PLB1: variants seen among roughly 807,000 people sequenced by gnomAD.
PLB1 encodes the protein phospholipase B1, membrane-associated.
A neutral mutation model predicts 227.4 loss-of-function variants in PLB1; 242 were observed. That is an observed-to-expected ratio of 1.06 (90% CI 0.96 to 1.18). PLB1 has a LOEUF of 1.18. Ranked by LOEUF, PLB1 falls within the 50% of genes most tolerant of loss-of-function variation. The probability of loss-of-function intolerance (pLI) is 0.00; values close to 1 mark genes in which losing one functional copy is unlikely to be tolerated. For missense variants in PLB1, 1,858 were observed against 1,816.3 expected, an observed-to-expected ratio of 1.02 and a Z score of -0.42; for synonymous variants, 757 against 682.2, an observed-to-expected ratio of 1.11 and a Z score of -1.71.
At chr2:28,567,504 A>G (rs1950012) in intron 20 of PLB1, among the ~76,000 whole-genome samples, 106,975 of 137,376 alleles carry the variant, frequency 0.78, 41,909 homozygotes, top group African/African-American at 0.89. Flanking sequence ...ATGGAGTCTC[A>G]CTCTGTTGCC....
At position 28,510,778 on chromosome 2, in the gene PLB1, T is replaced by TTGTGTGTGTGTGTGTGTGTG. The variant is rs55672002; in HGVS notation, c.56-6022_56-6003dup. 8.7e-3 allele frequency among the ~76,000 whole-genome samples: 1,234 copies of TTGTGTGTGTGTGTGTGTGTG among 141,550 alleles called. 7 individuals are homozygous for TTGTGTGTGTGTGTGTGTGTG. Among genetic ancestry groups the TTGTGTGTGTGTGTGTGTGTG allele is most frequent in the African/African-American group, 0.014 (533 of 36,852 alleles). 92.9% of individuals were successfully genotyped at this position (141,550 alleles called of 152,430 possible). On this transcript the variant is annotated intron_variant, in intron 1 of 57. Transcript: ENST00000327757. ...GGCATGCACCACCACACTCAGATAA[T>TTGTGTGTGTGTGTGTGTGTG]TGTGTGTGTGTGTGTGTGTGTGTGT...
At chr2:28,538,848 G>A (rs571807227) in intron 10 of PLB1, among the ~76,000 whole-genome samples, 1 of 152,312 alleles carries the variant, frequency 6.6e-6, no homozygotes, top group African/African-American at 2.4e-5. Flanking sequence ...TCCCTCCCCT[G>A]TGGACACTGG....
chr2:28,574,808 G>T (rs1678656224), intron 21 of PLB1, among the ~76,000 whole-genome samples: 1 of 152,046 alleles, frequency 6.6e-6, no homozygotes, highest in Non-Finnish European at 1.5e-5. Context: ...TAGAATAATG[G>T]CTTCCAGCTC....
chr2:28,628,415 A>C (rs1286020699), intron 51 of PLB1, 148 bp from the exon 52 acceptor site: 4 of 664,452 alleles, frequency 6.0e-6, no homozygotes, highest in Non-Finnish European at 1.1e-5. Flanking sequence ...CAGCAACAAG[A>C]ACTGGGCTTC....
chr2:28,547,202 C>CAAAAA (rs531346408), intron 14 of PLB1, among the ~76,000 whole-genome samples: 1 of 99,884 alleles, frequency 1.0e-5, no homozygotes, highest in African/African-American at 3.7e-5. Flanking sequence ...ACCCTGTCTC[C>CAAAAA]AAAAAAAAAA....
At chr2:28,507,540 T>A (rs1247286404) in intron 1 of PLB1, among the ~76,000 whole-genome samples, 1 of 152,160 alleles carries the variant, frequency 6.6e-6, no homozygotes, top group African/African-American at 2.4e-5. Flanking sequence ...AGGTCACACC[T>A]CCTACCACTG....
Position 28,569,448 on chromosome 2 carries a change from C to T in PLB1, c.1324+2609C>T, listed in dbSNP as rs185180017. On this transcript the variant is annotated intron_variant, in intron 20 of 57. Coordinates refer to ENST00000327757, the MANE Select transcript of PLB1 (RefSeq NM_153021.5). Reference sequence around the variant, plus strand: ...CATATTAGTAAAGGCAATTAGAATGCATGAGATTGCAAAGTTCAACAAAAC... The same window carrying T: ...CATATTAGTAAAGGCAATTAGAATGTATGAGATTGCAAAGTTCAACAAAAC... 8.5e-4 allele frequency among the ~76,000 whole-genome samples: 129 copies of T among 152,076 alleles called. 1 individual carries two copies. The highest frequency in any genetic ancestry group is 2.9e-3 in the African/African-American group (122 of 41,456).
chr2:28,605,859 C>G lies in PLB1; in HGVS notation c.2968C>G (p.Leu990Val), dbSNP rs779930883. 1.9e-6 allele frequency: 3 copies of G among 1,612,706 alleles called. 1 individual carries two copies. The highest frequency in any genetic ancestry group is 1.1e-5 in the South Asian group (1 of 91,046). ...GTATATTGGTCTCTTTCAGGATGGGCTCCCAGATACGTCCTTCTTTGCCCC... is the reference window on the plus strand; with the variant it reads ...GTATATTGGTCTCTTTCAGGATGGGGTCCCAGATACGTCCTTCTTTGCCCC... Reference protein sequence around the residue: ...NIQLPVLADGLPDTSFFAPDC... With the variant: ...NIQLPVLADGVPDTSFFAPDC... The change falls in exon 42 of 58, where the codon CTC becomes GTC. Residue 990 changes from leucine (L) to valine (V), a missense_variant. Physicochemically the swap from Leu to Val is conservative, Grantham distance 32 (BLOSUM62 1). Transcript: ENST00000327757.
chr2:28,593,561 A>G lies in PLB1; in HGVS notation c.2248-120A>G, dbSNP rs142374528. ...CTTAGAGCCAGGGGCTCCTGGTTCC[A>G]TGTCTGCTCCTGCCACCACGAGTGC... On this transcript the variant is annotated intron_variant, in intron 32 of 57. Coordinates refer to ENST00000327757, the MANE Select transcript of PLB1 (RefSeq NM_153021.5). 189 of 795,940 alleles carry G rather than the reference A, an allele frequency of 2.4e-4. No individual in the cohort carries two copies. In the African/African-American group the frequency reaches 2.6e-3, roughly 11 times the overall value. The allele number at this position is 795,940 out of a possible 1,614,324, so 49.3% of individuals were successfully genotyped here.
At position 28,541,828 on chromosome 2, in the gene PLB1, T is replaced by TG; in HGVS notation, c.879+19dup. On this transcript the variant is annotated intron_variant, in intron 13 of 57. Coordinates refer to ENST00000327757, the MANE Select transcript of PLB1 (RefSeq NM_153021.5). ...CTACACTCGGTAAGTGGGGGCTGCA[T>TG]GGCGTATCAAGAGTGTGGTGGGGGC... 6.3e-7 allele frequency: 1 copy of TG among 1,591,258 alleles called. No homozygotes were observed. Among genetic ancestry groups the TG allele is most frequent in the Non-Finnish European group, 8.6e-7 (1 of 1,159,712 alleles).
intron 3 of PLB1, 55 bp from the exon 4 acceptor site, chr2:28,519,650 C>T (rs1180310773): frequency 1.4e-5 from 19 of 1,369,520 alleles, no homozygotes; most frequent in African/African-American, 7.2e-5. Context: ...TATCCTTGGC[C>T]GACATCATGG....
At chr2:28,608,646 C>G (rs1490904010) in intron 43 of PLB1, among the ~76,000 whole-genome samples, 1 of 152,216 alleles carries the variant, frequency 6.6e-6, no homozygotes, top group Non-Finnish European at 1.5e-5. Flanking sequence ...TTAATGGGCT[C>G]TCTGCCCACT....
At chr2:28,540,586 G>A (rs1168134155) in intron 12 of PLB1, 145 bp downstream of exon 12, 11 of 676,464 alleles carry the variant, frequency 1.6e-5, no homozygotes, top group Non-Finnish European at 2.6e-5. Context: ...GGAGCAAAGA[G>A]AGCTACTCTT....
At chr2:28,579,802 G>A (rs563991083) in intron 23 of PLB1, 95 bp downstream of exon 23, 1 of 1,053,288 alleles carries the variant, frequency 9.5e-7, no homozygotes, top group Non-Finnish European at 1.5e-6. Context: ...CAGCTAAGTT[G>A]GGACTCAGGC....
chr2:28,600,800 C>T lies in PLB1; in HGVS notation c.2475-9C>T, dbSNP rs1006869264. 1 of 1,613,210 alleles carries T rather than the reference C, an allele frequency of 6.2e-7. No homozygotes were observed. Among genetic ancestry groups the T allele is most frequent in the African/African-American group, 1.3e-5 (1 of 75,020 alleles). On this transcript the variant is annotated splice_polypyrimidine_tract_variant and intron_variant, in intron 35 of 57. Transcript: ENST00000327757. ...CTCAACAGAAGGATGGGTTTTCTCT[C>T]TTTCTCAGGGATCTTATGAGCCAAG...
chr2:28,560,774 A>G (rs1655072066), intron 17 of PLB1, among the ~76,000 whole-genome samples: 1 of 152,264 alleles, frequency 6.6e-6, no homozygotes, highest in African/African-American at 2.4e-5. Context: ...AATATCCAGA[A>G]TAGATAAATC....
chr2:28,556,608 G>A (rs1254656322), intron 17 of PLB1, among the ~76,000 whole-genome samples: 1 of 151,966 alleles, frequency 6.6e-6, no homozygotes, highest in Non-Finnish European at 1.5e-5. Context: ...AAACATATTG[G>A]GCCTACTAGT....
chr2:28,612,452 C>T (rs965480786), intron 43 of PLB1, among the ~76,000 whole-genome samples: 7 of 152,134 alleles, frequency 4.6e-5, no homozygotes, highest in African/African-American at 1.7e-4. Flanking sequence ...ACCTGGAACC[C>T]GTCCCTTCCT....
intron 53 of PLB1, among the ~76,000 whole-genome samples, chr2:28,629,670 C>A (rs1443989851): frequency 1.3e-5 from 2 of 152,302 alleles, no homozygotes; most frequent in African/African-American, 4.8e-5. Context: ...CAAGAGGAAA[C>A]AAGGTACCTG....
Sources: allele counts gnomAD v4.1 joint callset (sites outside exome capture counted in the v4.1 genomes callset), GRCh38; gene constraint gnomAD v4.1.1; transcripts MANE v1.5; gene names NCBI Gene and HGNC (gene_info 2026-07-23, HGNC 2026-07-21).